GLIS3: variants seen among roughly 807,000 people sequenced by gnomAD.
GLIS3 encodes the protein GLIS family zinc finger 3, also known as zinc finger protein GLIS3.
In GLIS3, 53 loss-of-function variants were observed where a neutral mutation model predicts 78.6. The ratio of observed to expected loss-of-function variants is 0.67; its 90% CI spans 0.54 to 0.85. The LOEUF is 0.85. GLIS3 is among the 40% of genes least tolerant of loss of function. The pLI, the probability that GLIS3 is intolerant of heterozygous loss-of-function variation, is 0.00. For missense variants in GLIS3, 1,703 were observed against 1,231.1 expected (o/e 1.38, Z -5.74); for synonymous variants, 684 against 509.9 (o/e 1.34, Z -4.60).
At chr9:4,290,707 A>G (rs1289447115) in intron 1 of GLIS3, among the ~76,000 whole-genome samples, 1 of 152,270 alleles carries the variant, frequency 6.6e-6, no homozygotes, top group African/African-American at 2.4e-5. Context: ...CTCAGAAAAG[A>G]CTGTATAAAC....
intron 4 of GLIS3, among the ~76,000 whole-genome samples, chr9:3,940,878 G>T (rs965610663): frequency 6.6e-6 from 1 of 152,128 alleles, no homozygotes; most frequent in African/African-American, 2.4e-5. Context: ...AGCTCTGTGT[G>T]CATGAAAGCA....
the GLIS3 span, among the ~76,000 whole-genome samples, chr9:4,364,675 T>C: frequency 6.7e-6 from 1 of 148,446 alleles, no homozygotes; most frequent in Non-Finnish European, 1.5e-5. Context: ...ATAATGCTTA[T>C]CTTTTTATTT....
Position 4,341,430 on chromosome 9 carries a change from T to G in GLIS3, n.264+5651A>C, listed in dbSNP as rs150183792. Among the ~76,000 whole-genome samples, 567 of 152,362 alleles carry G rather than the reference T, an allele frequency of 3.7e-3. 3 individuals are homozygous for G. The highest frequency in any genetic ancestry group is 0.013 in the African/African-American group (545 of 41,582). ...AGCTCATTGTGTGCTGGAGAAAAAC[T>G]CACCATTGTGAAGACTTGTCTCATT... On this transcript the variant is annotated intron_variant and non_coding_transcript_variant, in intron 2 of 4. Transcript: ENST00000471664.
intron 2 of GLIS3, among the ~76,000 whole-genome samples, chr9:4,214,195 A>G (rs1254965170): frequency 6.6e-6 from 1 of 152,188 alleles, no homozygotes; most frequent in Non-Finnish European, 1.5e-5. Flanking sequence ...ATTGCTCAAA[A>G]ATAAATTCTG....
intron 2 of GLIS3, among the ~76,000 whole-genome samples, chr9:4,148,186 T>G (rs1345869749): frequency 2.6e-5 from 4 of 152,160 alleles, no homozygotes; most frequent in Admixed American, 1.3e-4. Flanking sequence ...TTTCTTATTA[T>G]AGCAAAAATA....
At chr9:3,875,549 A>G (rs756234138) in intron 8 of GLIS3, 4 of 152,180 alleles carry the variant, frequency 2.6e-5, no homozygotes, top group African/African-American at 7.2e-5. Flanking sequence ...CGTTAAGAAA[A>G]CTGCCGGAGT....
At chr9:4,382,875 G>C in the GLIS3 span, among the ~76,000 whole-genome samples, 1 of 152,134 alleles carries the variant, frequency 6.6e-6, no homozygotes, top group Non-Finnish European at 1.5e-5. Context: ...AGATTCCCAG[G>C]AAGACCAGCT....
At chr9:3,951,927 A>T (rs946728422) in intron 4 of GLIS3, among the ~76,000 whole-genome samples, 22 of 150,846 alleles carry the variant, frequency 1.5e-4, no homozygotes, top group African/African-American at 5.4e-4. Context: ...ATTTGAGGTT[A>T]GCTGAAGACA....
rs533362043 is a variant in GLIS3 at position 4,150,561 on chromosome 9, C to T, written c.389-24620G>A. 1.4e-3 allele frequency among the ~76,000 whole-genome samples: 220 copies of T among 152,292 alleles called. 1 individual carries two copies. The highest frequency in any genetic ancestry group is 5.1e-3 in the African/African-American group (211 of 41,566). ...CTCAGAAAATATCGATTCCTCTTCC[C>T]ATCTGCAAATCACATCAGAAAACCT... On this transcript the variant is annotated intron_variant, in intron 2 of 10. Coordinates refer to ENST00000381971, the MANE Select transcript of GLIS3 (RefSeq NM_001042413.2).
chr9:4,086,561 A>G (rs767506828), intron 4 of GLIS3, among the ~76,000 whole-genome samples: 5 of 152,226 alleles, frequency 3.3e-5, no homozygotes, highest in Non-Finnish European at 7.3e-5. Context: ...ATCTTTAACA[A>G]TCAGTCAGAC....
the GLIS3 span, among the ~76,000 whole-genome samples, chr9:4,372,554 TAAAA>T: frequency 3.1e-4 from 43 of 137,940 alleles, no homozygotes; most frequent in South Asian, 7.0e-4. Flanking sequence ...GACCCTCCAA[TAAAA>T]AAAAAAAAAA....
chr9:4,109,013 G>C (rs1208649370), intron 4 of GLIS3, among the ~76,000 whole-genome samples: 1 of 152,132 alleles, frequency 6.6e-6, no homozygotes, highest in African/African-American at 2.4e-5. Context: ...AGAGACATGG[G>C]GTTCTATGGT....
At chr9:4,216,493 G>A (rs140714552) in intron 2 of GLIS3, among the ~76,000 whole-genome samples, 6 of 132,614 alleles carry the variant, frequency 4.5e-5, no homozygotes, top group East Asian at 2.1e-4. Flanking sequence ...AAAAAAAAAA[G>A]AAAAGAAAAG....
the GLIS3 span, among the ~76,000 whole-genome samples, chr9:4,372,063 T>C: frequency 7.3e-3 from 1,110 of 152,290 alleles, 20 homozygotes; most frequent in African/African-American, 0.026. Flanking sequence ...ATCCCTGTTA[T>C]TTTGAAGATA....
chr9:4,065,077 A>G (rs1472793471), intron 4 of GLIS3, among the ~76,000 whole-genome samples: 2 of 152,228 alleles, frequency 1.3e-5, no homozygotes, highest in East Asian at 3.8e-4. Context: ...CTTTAGTCCC[A>G]TTCCCAGTCA....
intron 2 of GLIS3, among the ~76,000 whole-genome samples, chr9:4,345,883 G>T (rs147625885): frequency 7.0e-4 from 106 of 152,270 alleles, no homozygotes; most frequent in African/African-American, 2.2e-3. Context: ...TTAAGCATCA[G>T]AGCACAATTT....
chr9:4,177,919 T>C (rs548063599), intron 2 of GLIS3, among the ~76,000 whole-genome samples: 125 of 152,364 alleles, frequency 8.2e-4, no homozygotes, highest in African/African-American at 2.7e-3. Flanking sequence ...CATCACAGCT[T>C]GGTTCCTGGA....
chr9:4,099,215 T>C lies in GLIS3; in HGVS notation c.1710+18553A>G, dbSNP rs537768098. Among the ~76,000 whole-genome samples, 18 of 152,328 alleles carry C rather than the reference T, an allele frequency of 1.2e-4. No individual in the cohort carries two copies. In the South Asian group the frequency reaches 3.5e-3, roughly 30 times the overall value. ...ACCTTAAAATAACAGAAATGCATCG[T>C]CTTTAATGGGTGGCTTAAAATAACA... On this transcript the variant is annotated intron_variant, in intron 4 of 10. Coordinates refer to ENST00000381971, the MANE Select transcript of GLIS3 (RefSeq NM_001042413.2).
At chr9:3,893,166 C>T (rs1225272142) in intron 7 of GLIS3, among the ~76,000 whole-genome samples, 2 of 152,120 alleles carry the variant, frequency 1.3e-5, no homozygotes, top group African/African-American at 4.8e-5. Flanking sequence ...AGGATAAAGC[C>T]GCAATTGCCC....
Sources: allele counts gnomAD v4.1 joint callset (sites outside exome capture counted in the v4.1 genomes callset), GRCh38; gene constraint gnomAD v4.1.1; transcripts MANE v1.5; gene names NCBI Gene and HGNC (gene_info 2026-07-23, HGNC 2026-07-21).